Variants in SCAPER observed in about 807,000 individuals in gnomAD.
SCAPER encodes S-phase cyclin A associated protein in the ER.
Under a neutral mutation model 182.2 loss-of-function variants are expected in SCAPER, and 98 were observed. That is an observed-to-expected ratio of 0.54 (90% CI 0.46 to 0.64). The LOEUF is 0.64. Among genes scored for constraint, SCAPER ranks in the 30% least tolerant of loss-of-function variants. The probability of loss-of-function intolerance (pLI) is 0.00; values close to 1 mark genes in which losing one functional copy is unlikely to be tolerated. For synonymous variants in SCAPER, 605 were observed against 564.6 expected (o/e 1.07, Z -1.01); for missense variants, 1,432 against 1,690.0 (o/e 0.85, Z 2.68).
intron 25 of SCAPER, among the ~76,000 whole-genome samples, chr15:76,441,810 T>C (rs527315780): frequency 3.9e-4 from 59 of 152,314 alleles, no homozygotes; most frequent in Non-Finnish European, 5.9e-4. Context: ...TGACATACTG[T>C]ACATTATTTC....
At position 76,802,121 on chromosome 15, in the gene SCAPER, A is replaced by G. The variant is rs548500518; in HGVS notation, c.495-1757T>C. 6.6e-5 allele frequency among the ~76,000 whole-genome samples: 10 copies of G among 152,250 alleles called. No homozygotes were observed. The South Asian group carries it at 2.1e-3, about 32-fold the overall frequency. ...GTGATTACATTACAGACCTTTGGAT[A>G]CAACAAACAAACTCAATCAAGTTAA... On this transcript the variant is annotated intron_variant, in intron 6 of 31. Coordinates refer to ENST00000563290, the MANE Select transcript of SCAPER (RefSeq NM_020843.4).
At chr15:76,474,195 G>C (rs2050434805) in intron 24 of SCAPER, among the ~76,000 whole-genome samples, 1 of 152,162 alleles carries the variant, frequency 6.6e-6, no homozygotes, top group African/African-American at 2.4e-5. Context: ...CCTGACATCT[G>C]AATGTTTCAA....
At chr15:76,816,133 G>C (rs900884695) in intron 5 of SCAPER, among the ~76,000 whole-genome samples, 9 of 152,196 alleles carry the variant, frequency 5.9e-5, no homozygotes, top group Non-Finnish European at 1.2e-4. Flanking sequence ...GTATGCTGCT[G>C]AGACTTTATA....
intron 29 of SCAPER, among the ~76,000 whole-genome samples, chr15:76,368,048 T>A (rs2041922351): frequency 1.3e-5 from 2 of 152,198 alleles, no homozygotes; most frequent in Non-Finnish European, 2.9e-5. Context: ...AACGTATCTG[T>A]CACACAAAGA....
Position 76,504,928 on chromosome 15 carries a change from G to T in SCAPER, c.2885C>A (p.Ala962Asp). 6.2e-7 allele frequency: 1 copy of T among 1,613,064 alleles called. No individual in the cohort carries two copies. Among genetic ancestry groups the T allele is most frequent in the Non-Finnish European group, 8.5e-7 (1 of 1,179,568 alleles). The change falls in exon 24 of 32, where the codon GCC becomes GAC. Residue 962 changes from alanine to aspartate, a missense_variant. Transcript: ENST00000563290. ...TACTGCTTGAAGGATGTGTTCAAGG[G>T]CTGTTAATCCACCAGCAGCTTGAAA... The part of the protein sequence containing the change: ...IAFQAAGGLT[A>D]LEHILQAVVP...
At chr15:76,814,090 C>G (rs1296481890) in intron 5 of SCAPER, among the ~76,000 whole-genome samples, 1 of 152,096 alleles carries the variant, frequency 6.6e-6, no homozygotes, top group Non-Finnish European at 1.5e-5. Flanking sequence ...ATTGTTTGAA[C>G]CCGGGAGGCA....
chr15:76,684,783 C>G (rs914567405), intron 20 of SCAPER, among the ~76,000 whole-genome samples: 1 of 151,696 alleles, frequency 6.6e-6, no homozygotes, highest in Non-Finnish European at 1.5e-5. Flanking sequence ...TAAGAATCTT[C>G]CAACCAAGAA....
intron 17 of SCAPER, among the ~76,000 whole-genome samples, chr15:76,722,629 T>C (rs970614124): frequency 5.9e-5 from 9 of 152,218 alleles, no homozygotes; most frequent in Non-Finnish European, 8.8e-5. Context: ...TATTCAGAGA[T>C]TCAACTTCTT....
At position 76,615,819 on chromosome 15, in the gene SCAPER, C is replaced by CAAA. The variant is rs61031189; in HGVS notation, c.2711+5942_2711+5944dup. ...TGGGTAACAGAGCGAGATTCCATCT[C>CAAA]AAAAAAAAAAAAAAAAAGAATATAC... is the stretch of plus-strand genomic sequence containing the variant. On this transcript the variant is annotated intron_variant, in intron 22 of 31. Coordinates refer to ENST00000563290, the MANE Select transcript of SCAPER (RefSeq NM_020843.4). 1.2e-3 allele frequency among the ~76,000 whole-genome samples: 99 copies of CAAA among 82,384 alleles called. 1 individual carries two copies. Among genetic ancestry groups the CAAA allele is most frequent in the African/African-American group, 2.5e-3 (64 of 25,966 alleles). The allele number at this position is 82,384 out of a possible 152,430, so 54.0% of individuals were successfully genotyped here.
At chr15:76,879,875 C>T (rs1191575875) in intron 2 of SCAPER, among the ~76,000 whole-genome samples, 1 of 152,124 alleles carries the variant, frequency 6.6e-6, no homozygotes, top group African/African-American at 2.4e-5. Context: ...TTAAATCATA[C>T]ACTTAATGTG....
chr15:76,606,232 A>G (rs532589795), intron 22 of SCAPER, among the ~76,000 whole-genome samples: 117 of 152,078 alleles, frequency 7.7e-4, no homozygotes, highest in Non-Finnish European at 1.5e-3. Flanking sequence ...CTTTGTTCTC[A>G]TTGGTTTCAA....
intron 25 of SCAPER, among the ~76,000 whole-genome samples, chr15:76,451,004 C>T (rs284905): frequency 0.12 from 18,347 of 152,244 alleles, 1,503 homozygotes; most frequent in African/African-American, 0.23. Context: ...TTTCCTTGTG[C>T]CCCTTTGAAG....
chr15:76,761,190 C>A (rs568669159), intron 14 of SCAPER, among the ~76,000 whole-genome samples: 51 of 152,052 alleles, frequency 3.4e-4, no homozygotes, highest in African/African-American at 1.2e-3. Context: ...TCTCTGTTAT[C>A]CATTGTAATG....
chr15:76,798,486 A>G (rs1240165532), intron 7 of SCAPER, among the ~76,000 whole-genome samples: 1 of 152,114 alleles, frequency 6.6e-6, no homozygotes, highest in Non-Finnish European at 1.5e-5. Context: ...AAGGGGCAGA[A>G]AAAAAAACAT....
chr15:76,576,027 A>C (rs2047794241), intron 22 of SCAPER, among the ~76,000 whole-genome samples: 1 of 152,228 alleles, frequency 6.6e-6, no homozygotes, highest in South Asian at 2.1e-4. Context: ...TATTTAATAA[A>C]TTCATGTCCT....
rs764100285 is a variant in SCAPER, at chr15:76,795,460, C to T, written c.612-20G>A. 25 of 1,464,722 alleles carry T rather than the reference C, an allele frequency of 1.7e-5. No individual in the cohort carries two copies. The South Asian group carries it at 3.0e-4, about 18-fold the overall frequency. The allele number at this position is 1,464,722 out of a possible 1,614,324, so 90.7% of individuals were successfully genotyped here. A position where few individuals can be genotyped will look rare whatever the true frequency, so the allele number is the denominator to read the frequency against. On this transcript the variant is annotated intron_variant, in intron 7 of 31. Transcript: ENST00000563290. ...GAACCTCTATGGAGAAAAATAAACA[C>T]ATTTAATAAATTAAATATAAAAGAA... is the stretch of plus-strand genomic sequence containing the variant.
chr15:76,541,405 T>C (rs995210671), intron 23 of SCAPER, among the ~76,000 whole-genome samples: 1 of 152,180 alleles, frequency 6.6e-6, no homozygotes, highest in Non-Finnish European at 1.5e-5. Context: ...TGGAGACTTG[T>C]ATGGATTTGC....
At chr15:76,442,888 T>C (rs1360148042) in intron 25 of SCAPER, among the ~76,000 whole-genome samples, 2 of 152,178 alleles carry the variant, frequency 1.3e-5, no homozygotes, top group Non-Finnish European at 2.9e-5. Context: ...GGTCTTTATT[T>C]ATGAGTATGA....
intron 20 of SCAPER, among the ~76,000 whole-genome samples, chr15:76,666,794 G>C (rs1430651985): frequency 6.6e-6 from 1 of 152,118 alleles, no homozygotes; most frequent in Non-Finnish European, 1.5e-5. Context: ...ATTCAGACGA[G>C]AGCTTCCACA....
Sources: gnomAD v4.1 joint callset for allele counts (sites outside exome capture counted in the v4.1 genomes callset) on GRCh38, gnomAD v4.1.1 for gene constraint, MANE v1.5 for transcripts, NCBI Gene and HGNC (gene_info 2026-07-23, HGNC 2026-07-21) for gene names.